Variants in CFAP54 observed in about 807,000 individuals in gnomAD.
CFAP54 encodes cilia- and flagella-associated protein 54.
A neutral mutation model predicts 370.4 loss-of-function variants in CFAP54; 290 were observed. That is an observed-to-expected ratio of 0.78 (90% confidence interval 0.71 to 0.86). CFAP54 has a LOEUF of 0.86. Among genes scored for constraint, CFAP54 ranks in the 40% least tolerant of loss-of-function variants. The probability of loss-of-function intolerance (pLI) is 0.00; values close to 1 mark genes in which losing one functional copy is unlikely to be tolerated. For synonymous variants in CFAP54, 1,206 were observed against 1,236.5 expected (o/e 0.98, Z 0.52); for missense variants, 3,399 against 3,528.7 (o/e 0.96, Z 0.93).
chr12:96,489,596 C>A lies in CFAP54; in HGVS notation c.-14C>A, dbSNP rs1168187493. 4 of 1,506,452 alleles carry A rather than the reference C, an allele frequency of 2.7e-6. No individual in the cohort carries two copies. Among genetic ancestry groups the A allele is most frequent in the East Asian group, 2.5e-5 (1 of 40,424 alleles). 93.3% of individuals were successfully genotyped at this position (1,506,452 alleles called of 1,614,324 possible). On this transcript the variant is annotated 5_prime_UTR_variant, in exon 1 of 68. Transcript: ENST00000524981. ...GCGTGTACACATACTCCAGGCGGGC[C>A]GGGGCGCGTCAATATGGCGGCGCAG...
chr12:96,779,668 A>T lies in CFAP54; in HGVS notation c.8282-5049A>T. 2.0e-5 allele frequency among the ~76,000 whole-genome samples: 3 copies of T among 148,462 alleles called. 1 individual carries two copies. The Middle Eastern group carries it at 0.011, about 526-fold the overall frequency. Reference sequence around the variant, plus strand: ...TTTATATATTAATTTATATATTAACATATATATATTAATTATATATTTCAC... The same window carrying T: ...TTTATATATTAATTTATATATTAACTTATATATATTAATTATATATTTCAC... On this transcript the variant is annotated intron_variant, in intron 60 of 67. Coordinates refer to ENST00000524981, the MANE Select transcript of CFAP54 (RefSeq NM_001306084.2).
At chr12:96,825,985 AAATT>A (rs1172576021) in intron 65 of CFAP54, among the ~76,000 whole-genome samples, 1 of 143,392 alleles carries the variant, frequency 7.0e-6, no homozygotes, top group Non-Finnish European at 1.5e-5. Flanking sequence ...ATTAATGTAT[AAATT>A]AATAAATAAC....
At chr12:96,597,813 A>G (rs1420749042) in intron 25 of CFAP54, among the ~76,000 whole-genome samples, 1 of 151,900 alleles carries the variant, frequency 6.6e-6, no homozygotes, top group African/African-American at 2.4e-5. Flanking sequence ...TTATGTTTTT[A>G]TACACATGTA....
chr12:96,658,358 T>A lies in CFAP54; in HGVS notation c.5460+12T>A. ...AATATGGAGAGAAGGTAAGTTTAAG[T>A]TAGTTCTATTATTCATGCTGTTGTG... is the stretch of plus-strand genomic sequence containing the variant. On this transcript the variant is annotated intron_variant, in intron 38 of 67. Coordinates refer to ENST00000524981, the MANE Select transcript of CFAP54 (RefSeq NM_001306084.2). 12 of 1,613,556 alleles carry A rather than the reference T, an allele frequency of 7.4e-6. No individual in the cohort carries two copies. The highest frequency in any genetic ancestry group is 1.0e-5 in the Non-Finnish European group (12 of 1,179,680).
At chr12:96,530,349 G>A (rs965236957) in intron 9 of CFAP54, among the ~76,000 whole-genome samples, 5 of 152,208 alleles carry the variant, frequency 3.3e-5, no homozygotes, top group African/African-American at 9.7e-5. Context: ...AATTAGCCAG[G>A]CGTCATGGCA....
chr12:96,571,298 A>G (rs886976708), intron 19 of CFAP54, among the ~76,000 whole-genome samples: 16 of 152,206 alleles, frequency 1.1e-4, no homozygotes, highest in Admixed American at 3.9e-4. Context: ...TCAGACAAAA[A>G]TACTTTGGAC....
intron 15 of CFAP54, among the ~76,000 whole-genome samples, chr12:96,550,210 G>A (rs74239036): frequency 4.1e-4 from 59 of 144,962 alleles, no homozygotes; most frequent in African/African-American, 1.6e-3. Context: ...AAAGATGATG[G>A]TGGTGGTAGT....
At chr12:96,790,367 C>T (rs1380112940) in intron 62 of CFAP54, among the ~76,000 whole-genome samples, 4 of 151,642 alleles carry the variant, frequency 2.6e-5, no homozygotes, top group Admixed American at 2.6e-4. Context: ...TAAAAGTACT[C>T]AGTGTATAAT....
At chr12:96,580,341 C>T (rs552074855) in intron 20 of CFAP54, among the ~76,000 whole-genome samples, 1 of 152,160 alleles carries the variant, frequency 6.6e-6, no homozygotes, top group African/African-American at 2.4e-5. Flanking sequence ...AATTTCCTAA[C>T]AGTACTTAGC....
chr12:96,507,523 A>C (rs924129403), intron 4 of CFAP54, among the ~76,000 whole-genome samples: 1 of 109,288 alleles, frequency 9.2e-6, no homozygotes. Context: ...TGAGGAACAC[A>C]CACACACACA....
chr12:96,825,835 T>C (rs1487322085), intron 65 of CFAP54, among the ~76,000 whole-genome samples: 1 of 133,978 alleles, frequency 7.5e-6, no homozygotes, highest in African/African-American at 2.8e-5. Flanking sequence ...AATTAGTATA[T>C]AATATAATTT....
At chr12:96,498,867 T>A (rs1365326863) in intron 1 of CFAP54, among the ~76,000 whole-genome samples, 11 of 152,222 alleles carry the variant, frequency 7.2e-5, no homozygotes, top group Non-Finnish European at 1.5e-5. Context: ...AGAAAATATT[T>A]GCAGAAGACA....
rs773500254 is a variant in CFAP54 at position 96,644,215 on chromosome 12, T to C, written c.4354T>C (p.Tyr1452His). 9.1e-6 allele frequency: 14 copies of C among 1,535,932 alleles called. No homozygotes were observed. In the South Asian group the frequency reaches 1.4e-4, roughly 16 times the overall value. ...CAGTGTTAGGAAAGCAGCACAACGATACCTGATGGATTACTTGAATCCTCT... is the reference window on the plus strand; with the variant it reads ...CAGTGTTAGGAAAGCAGCACAACGACACCTGATGGATTACTTGAATCCTCT... ...RTSVRKAAQR[Y>H]LMDYLNPLIL... Residue 1452 changes from tyrosine (Y) to histidine (H), a missense_variant, in exon 33 of 68, where the codon TAC becomes CAC. By Grantham distance (83) the Tyr-to-His change is moderately conservative. Coordinates refer to ENST00000524981, the MANE Select transcript of CFAP54 (RefSeq NM_001306084.2).
At chr12:96,647,782 C>T in intron 33 of CFAP54, 93 bp from the exon 34 acceptor site, 1 of 1,218,954 alleles carries the variant, frequency 8.2e-7, no homozygotes, top group Non-Finnish European at 1.1e-6. Flanking sequence ...GGAGTACTCA[C>T]AAATGTTTTA....
chr12:96,535,050 G>T (rs375873393), intron 11 of CFAP54, among the ~76,000 whole-genome samples: 3 of 133,698 alleles, frequency 2.2e-5, no homozygotes, highest in East Asian at 4.2e-4. Context: ...GTGTGTGTGT[G>T]TGTTTATTTA....
chr12:96,687,206 A>T (rs1418294491), intron 42 of CFAP54, among the ~76,000 whole-genome samples: 1 of 152,040 alleles, frequency 6.6e-6, no homozygotes, highest in East Asian at 1.9e-4. Context: ...GGCCATCGTG[A>T]CGATCCAGGA....
intron 66 of CFAP54, among the ~76,000 whole-genome samples, chr12:96,845,696 C>T (rs1396705686): frequency 6.6e-6 from 1 of 152,222 alleles, no homozygotes; most frequent in Non-Finnish European, 1.5e-5. Context: ...GGCTTGTGAT[C>T]TCAAGGGTAT....
At chr12:96,845,040 T>C (rs776225196) in intron 66 of CFAP54, among the ~76,000 whole-genome samples, 1 of 152,224 alleles carries the variant, frequency 6.6e-6, no homozygotes, top group African/African-American at 2.4e-5. Flanking sequence ...ATATTTAAGT[T>C]TACAGGAAGA....
chr12:96,833,980 T>A (rs528295824), intron 66 of CFAP54, among the ~76,000 whole-genome samples: 2 of 152,304 alleles, frequency 1.3e-5, no homozygotes, highest in East Asian at 1.9e-4. Flanking sequence ...TTTAGCAGAA[T>A]GTGCAAGGTC....
Sources: gnomAD v4.1 joint callset for allele counts (sites outside exome capture counted in the v4.1 genomes callset) on GRCh38, gnomAD v4.1.1 for gene constraint, MANE v1.5 for transcripts, NCBI Gene and HGNC (gene_info 2026-07-23, HGNC 2026-07-21) for gene names.